CACNB2: variants seen among roughly 807,000 people sequenced by gnomAD.
CACNB2 encodes calcium voltage-gated channel auxiliary subunit beta 2.
Under a neutral mutation model 73.3 loss-of-function variants are expected in CACNB2, and 42 were observed. The ratio of observed to expected loss-of-function variants is 0.57; its 90% CI spans 0.45 to 0.74. CACNB2 has a LOEUF of 0.74. CACNB2 is among the 30% of genes least tolerant of loss of function. The pLI is 0.00. For missense variants in CACNB2, 940 were observed against 853.0 expected (o/e 1.10, Z -1.27); for synonymous variants, 348 against 310.3 (o/e 1.12, Z -1.28).
chr10:18,446,654 C>T lies in CACNB2; in HGVS notation c.333+44611C>T, dbSNP rs2046749926. Among the ~76,000 whole-genome samples, 3 of 152,102 alleles carry T rather than the reference C, an allele frequency of 2.0e-5. No homozygotes were observed. In the South Asian group the frequency reaches 6.2e-4, roughly 32 times the overall value. On this transcript the variant is annotated intron_variant, in intron 3 of 13. Coordinates refer to ENST00000324631, the MANE Select transcript of CACNB2 (RefSeq NM_201596.3). ...GCTCAAGTCAACTTGTAATTGCATG[C>T]ACTGATTTTCTCTGTAAGACTTCTC...
intron 2 of CACNB2, among the ~76,000 whole-genome samples, chr10:18,364,444 G>A (rs1375480669): frequency 6.6e-6 from 1 of 151,960 alleles, no homozygotes; most frequent in East Asian, 1.9e-4. Context: ...GGGATTACAG[G>A]CACGCAACAC....
intron 3 of CACNB2, among the ~76,000 whole-genome samples, chr10:18,404,454 G>A (rs899830533): frequency 2.0e-5 from 3 of 152,082 alleles, no homozygotes; most frequent in Admixed American, 2.0e-4. Context: ...CAAAATGAAG[G>A]CTTAAAGTTT....
At chr10:18,519,864 T>G in intron 9 of CACNB2, 1 of 400,880 alleles carries the variant, frequency 2.5e-6, no homozygotes, top group South Asian at 1.9e-5. Context: ...GGGATAAATT[T>G]TCAGCCCTAA....
intron 1 of CACNB2, among the ~76,000 whole-genome samples, chr10:18,142,797 C>A (rs2030556791): frequency 6.6e-6 from 1 of 152,150 alleles, no homozygotes; most frequent in Non-Finnish European, 1.5e-5. Context: ...CAATTTCTGC[C>A]TTCAAAGAAT....
At chr10:18,268,657 C>A (rs889971667) in intron 2 of CACNB2, among the ~76,000 whole-genome samples, 2 of 152,104 alleles carry the variant, frequency 1.3e-5, no homozygotes, top group African/African-American at 4.8e-5. Context: ...GAGGAACAGG[C>A]AGGATTTTAC....
chr10:18,180,659 GA>G, intron 2 of CACNB2, among the ~76,000 whole-genome samples: 1 of 152,134 alleles, frequency 6.6e-6, no homozygotes, highest in Non-Finnish European at 1.5e-5. Context: ...AGAAAATCCT[GA>G]AAACTCAGTC....
intron 3 of CACNB2, among the ~76,000 whole-genome samples, chr10:18,492,026 C>T (rs754610211): frequency 6.6e-6 from 1 of 152,020 alleles, no homozygotes; most frequent in Non-Finnish European, 1.5e-5. Context: ...TGGCATCTGG[C>T]TTCTAGGGGA....
chr10:18,169,760 G>A (rs2033104083), intron 2 of CACNB2, among the ~76,000 whole-genome samples: 1 of 152,124 alleles, frequency 6.6e-6, no homozygotes, highest in South Asian at 2.1e-4. Flanking sequence ...CCTTCCCCCA[G>A]AATTTCCCTA....
At chr10:18,413,186 G>C (rs886557689) in intron 3 of CACNB2, among the ~76,000 whole-genome samples, 1 of 152,146 alleles carries the variant, frequency 6.6e-6, no homozygotes, top group Non-Finnish European at 1.5e-5. Context: ...TGACCAGGCT[G>C]GTCTCGAACT....
At chr10:18,384,387 A>G (rs2043138729) in intron 2 of CACNB2, among the ~76,000 whole-genome samples, 1 of 152,176 alleles carries the variant, frequency 6.6e-6, no homozygotes, top group Admixed American at 6.5e-5. Flanking sequence ...TTTCATAGAA[A>G]ATGACCTGGA....
chr10:18,435,184 C>T (rs991555282), intron 3 of CACNB2, among the ~76,000 whole-genome samples: 2 of 152,206 alleles, frequency 1.3e-5, no homozygotes, highest in African/African-American at 4.8e-5. Context: ...AGGAGTCCAA[C>T]CTGGAACCCT....
At chr10:18,441,387 G>T (rs1458840951) in intron 3 of CACNB2, among the ~76,000 whole-genome samples, 1 of 152,148 alleles carries the variant, frequency 6.6e-6, no homozygotes, top group African/African-American at 2.4e-5. Flanking sequence ...TCTGCCGACA[G>T]AGCAAGATTC....
chr10:18,503,605 G>T (rs900657175), intron 5 of CACNB2, among the ~76,000 whole-genome samples: 4 of 152,090 alleles, frequency 2.6e-5, no homozygotes, highest in African/African-American at 9.7e-5. Context: ...ACAAAAAAAA[G>T]AACCACCTTA....
chr10:18,499,409 A>C (rs930037056), intron 4 of CACNB2, among the ~76,000 whole-genome samples: 2 of 152,046 alleles, frequency 1.3e-5, no homozygotes, highest in Non-Finnish European at 1.5e-5. Context: ...CAAGGTCAGG[A>C]GATGAAGACC....
chr10:18,173,047 A>T (rs1169882963), intron 2 of CACNB2, among the ~76,000 whole-genome samples: 1 of 150,756 alleles, frequency 6.6e-6, no homozygotes, highest in Non-Finnish European at 1.5e-5. Context: ...CAGCCTACCG[A>T]GTAGCTGGGA....
chr10:18,365,062 A>G (rs2042294488), intron 2 of CACNB2, among the ~76,000 whole-genome samples: 1 of 152,214 alleles, frequency 6.6e-6, no homozygotes, highest in African/African-American at 2.4e-5. Flanking sequence ...TAAGGATGAA[A>G]GCAGATGTCT....
chr10:18,470,164 T>TA (rs1465548640), intron 3 of CACNB2, among the ~76,000 whole-genome samples: 1 of 151,478 alleles, frequency 6.6e-6, no homozygotes, highest in Non-Finnish European at 1.5e-5. Flanking sequence ...CTAGCCAAAA[T>TA]AAAAAAATTT....
chr10:18,457,249 A>T (rs1463268504), intron 3 of CACNB2, among the ~76,000 whole-genome samples: 1 of 151,988 alleles, frequency 6.6e-6, no homozygotes, highest in Non-Finnish European at 1.5e-5. Flanking sequence ...CGCCACCACA[A>T]CCAACTAATT....
At chr10:18,279,670 A>G (rs1036472298) in intron 2 of CACNB2, among the ~76,000 whole-genome samples, 74 of 152,250 alleles carry the variant, frequency 4.9e-4, no homozygotes, top group Non-Finnish European at 5.0e-4. Context: ...AAGTATCATG[A>G]CCTATTGACA....
Sources: gnomAD v4.1 joint callset for allele counts (sites outside exome capture counted in the v4.1 genomes callset) on GRCh38, gnomAD v4.1.1 for gene constraint, MANE v1.5 for transcripts, NCBI Gene and HGNC (gene_info 2026-07-23, HGNC 2026-07-21) for gene names.